The following LONP2 variants were observed in gnomAD, a reference collection of about 807,000 sequenced individuals.
The protein encoded by LONP2 is lon peptidase 2, peroxisomal.
A neutral mutation model predicts 85.6 loss-of-function variants in LONP2; 60 were observed. The observed-to-expected ratio is 0.70, with a 90% CI of 0.57 to 0.87. The LOEUF (loss-of-function observed/expected upper bound fraction) is 0.87. Ranked by LOEUF, LONP2 falls within the 40% of genes least tolerant of loss-of-function variation. The probability of loss-of-function intolerance (pLI) is 0.00; values close to 1 mark genes in which losing one functional copy is unlikely to be tolerated. For missense variants in LONP2, 860 were observed against 1,063.5 expected (o/e 0.81, Z 2.66); for synonymous variants, 395 against 389.7 (o/e 1.01, Z -0.16).
downstream of LONP2, chr16:48,357,355 C>T (rs1960414077): frequency 6.6e-6 from 1 of 152,126 alleles, no homozygotes. Flanking sequence ...TTGGTAAATT[C>T]AGGTTAGGAT....
In LONP2 at chr16:48,347,681, C is replaced by T; in HGVS notation, c.2113C>T (p.Arg705Cys). 4 of 1,613,964 alleles carry T rather than the reference C, an allele frequency of 2.5e-6. No homozygotes were observed. The highest frequency in any genetic ancestry group is 3.4e-6 in the Non-Finnish European group (4 of 1,179,996). ...ESAHLAISWLRSNAKKYQLTN... is the reference protein window; with the variant it reads ...ESAHLAISWLCSNAKKYQLTN... Reference sequence around the variant, plus strand: ...CGCCCACCTCGCTATCAGCTGGCTCCGCAGCAACGCAAAGAAGTACCAGCT... The same window carrying T: ...CGCCCACCTCGCTATCAGCTGGCTCTGCAGCAACGCAAAGAAGTACCAGCT... Residue 705 changes from arginine (R) to cysteine (C), a missense_variant, in exon 13 of 15, where the codon CGC becomes TGC. Transcript: ENST00000285737.
Position 48,303,236 on chromosome 16 carries a change from G to C in LONP2, c.1726G>C (p.Ala576Pro). The C allele has an allele frequency of 6.2e-7, 1 of 1,614,176 alleles. No homozygotes were observed. The highest frequency in any genetic ancestry group is 8.5e-7 in the Non-Finnish European group (1 of 1,180,034). ...RKLGAICRAV[A>P]VKVAEGQHKE... ...ACTTGGGGCCATTTGCCGAGCTGTG[G>C]CCGTGAAGGTGGCAGAAGGACAGCA... The change falls in exon 11 of 15, where the codon GCC (alanine) becomes CCC (proline). Residue 576 changes from alanine (A) to proline (P), a missense_variant. Ala to Pro is a conservative substitution (Grantham distance 27). Coordinates refer to ENST00000285737, the MANE Select transcript of LONP2 (RefSeq NM_031490.5).
rs567976506 is a variant in LONP2 at position 48,286,569 on chromosome 16, C to T, written c.1383+9090C>T. Reference sequence around the variant, plus strand: ...CCAGACTGGAGTGCAGTGGCGCACTCATGGCTCATGGCAGCCTTGACCTTA... The same window carrying T: ...CCAGACTGGAGTGCAGTGGCGCACTTATGGCTCATGGCAGCCTTGACCTTA... On this transcript the variant is annotated intron_variant, in intron 8 of 14. Transcript: ENST00000285737. Among the ~76,000 whole-genome samples, 8 of 152,218 alleles carry T rather than the reference C, an allele frequency of 5.3e-5. No individual in the cohort carries two copies. The East Asian group carries it at 1.2e-3, about 22-fold the overall frequency.
rs1282455557 is a variant in LONP2, at chr16:48,357,212, GTAGA to G, written c.*5413_*5416del. ...AGAGAAGGTATTTAAATAAAAACTG[GTAGA>G]TACAGAGTCAGAAGTCAACCCAGGC... On this transcript the variant is annotated 3_prime_UTR_variant, in exon 15 of 15. Transcript: ENST00000285737. 1 of 152,176 alleles carries G rather than the reference GTAGA, an allele frequency of 6.6e-6. No individual in the cohort carries two copies. 9.4% of individuals were successfully genotyped at this position (152,176 alleles called of 1,614,324 possible). A position where few individuals can be genotyped will look rare whatever the true frequency, so the allele number is the denominator to read the frequency against.
At chr16:48,335,761 G>C (rs1959627759) in intron 12 of LONP2, among the ~76,000 whole-genome samples, 1 of 152,094 alleles carries the variant, frequency 6.6e-6, no homozygotes, top group Non-Finnish European at 1.5e-5. Context: ...CTCTAAACTG[G>C]TCATTAAAGC....
chr16:48,270,323 T>A (rs776141230), intron 7 of LONP2, 49 bp downstream of exon 7: 1 of 1,589,914 alleles, frequency 6.3e-7, no homozygotes, highest in South Asian at 1.1e-5. Context: ...TCTTTTTAAT[T>A]GACTAGAGCT....
intron 8 of LONP2, among the ~76,000 whole-genome samples, chr16:48,294,861 T>C (rs1972635057): frequency 6.6e-6 from 1 of 152,206 alleles, no homozygotes; most frequent in Admixed American, 6.5e-5. Flanking sequence ...GTGAGTATAT[T>C]AGTCATTTTA....
chr16:48,251,390 A>G (rs16946022), intron 1 of LONP2, among the ~76,000 whole-genome samples: 1,866 of 152,290 alleles, frequency 0.012, 40 homozygotes, highest in African/African-American at 0.042. Context: ...TGTGAATTAA[A>G]TTTATATGTG....
Position 48,261,644 on chromosome 16 carries a change from A to T in LONP2, c.887+57A>T, listed in dbSNP as rs138116305. The T allele has an allele frequency of 2.7e-4, 342 of 1,287,084 alleles. 1 individual carries two copies. In the African/African-American group the frequency reaches 4.7e-3, roughly 18 times the overall value. The allele number at this position is 1,287,084 out of a possible 1,614,324, so 79.7% of individuals were successfully genotyped here. On this transcript the variant is annotated intron_variant, in intron 5 of 14. Coordinates refer to ENST00000285737, the MANE Select transcript of LONP2 (RefSeq NM_031490.5). ...TTTTCATTCTTGGTACTCCTGATTA[A>T]CACCACTTTCACTACTCTTTTCTCC... is the stretch of plus-strand genomic sequence containing the variant.
chr16:48,248,923 G>T lies in LONP2; in HGVS notation c.234-3208G>T, dbSNP rs1971548117. 2.0e-5 allele frequency among the ~76,000 whole-genome samples: 3 copies of T among 150,230 alleles called. No individual in the cohort carries two copies. The South Asian group carries it at 6.3e-4, about 32-fold the overall frequency. The stretch of plus-strand genomic sequence containing the variant: ...AAAAAAAGCAAGTGCTGGGCATATA[G>T]GCTGGAATTAGATATTTACATAATA... On this transcript the variant is annotated intron_variant, in intron 1 of 14. Coordinates refer to ENST00000285737, the MANE Select transcript of LONP2 (RefSeq NM_031490.5).
chr16:48,260,897 T>G (rs1425403586), intron 4 of LONP2, among the ~76,000 whole-genome samples: 1 of 152,202 alleles, frequency 6.6e-6, no homozygotes, highest in East Asian at 1.9e-4. Context: ...AGAAAGGAAG[T>G]AAATAGTGCG....
intron 8 of LONP2, among the ~76,000 whole-genome samples, chr16:48,289,091 CT>C (rs1972507482): frequency 6.6e-6 from 1 of 152,066 alleles, no homozygotes; most frequent in Admixed American, 6.6e-5. Context: ...TGCCTATACC[CT>C]TTTTAATGAT....
chr16:48,261,442 A>T lies in LONP2; in HGVS notation c.742A>T (p.Ile248Phe). 6.2e-7 allele frequency: 1 copy of T among 1,605,292 alleles called. No homozygotes were observed. Among genetic ancestry groups the T allele is most frequent in the Non-Finnish European group, 8.5e-7 (1 of 1,175,510 alleles). ...ATGTTAGGTTATAGCAATACGCCCT[A>T]TTAGGAGAATTACACATATCTCAGG... The part of the protein sequence containing the change: ...DDKRVIAIRP[I>F]RRITHISGTL... Residue 248 changes from isoleucine (I) to phenylalanine (F), a missense_variant, in exon 5 of 15, where the codon ATT becomes TTT. Coordinates refer to ENST00000285737, the MANE Select transcript of LONP2 (RefSeq NM_031490.5).
At chr16:48,263,173 A>T (rs1447091537) in intron 6 of LONP2, among the ~76,000 whole-genome samples, 1 of 152,174 alleles carries the variant, frequency 6.6e-6, no homozygotes, top group Admixed American at 6.5e-5. Flanking sequence ...TATTATTATC[A>T]TCATTATTAT....
At chr16:48,259,173 C>CT (rs973773206) in intron 4 of LONP2, among the ~76,000 whole-genome samples, 3 of 152,126 alleles carry the variant, frequency 2.0e-5, no homozygotes, top group Admixed American at 6.6e-5. Context: ...AACTCTTGAT[C>CT]TTTTTTTGTT....
At chr16:48,309,918 C>G (rs1972993888) in intron 11 of LONP2, among the ~76,000 whole-genome samples, 1 of 152,054 alleles carries the variant, frequency 6.6e-6, no homozygotes, top group Admixed American at 6.6e-5. Flanking sequence ...TGAAGTCCCA[C>G]ATTTTGTATT....
downstream of LONP2, among the ~76,000 whole-genome samples, chr16:48,359,732 C>T (rs1353681705): frequency 1.3e-5 from 2 of 151,992 alleles, no homozygotes; most frequent in Non-Finnish European, 2.9e-5. Flanking sequence ...AAAAAAGCTC[C>T]ACAAGCACAT....
At position 48,331,140 on chromosome 16, in the gene LONP2, C is replaced by T. The variant is rs75310608; in HGVS notation, c.1796-3076C>T. On this transcript the variant is annotated intron_variant, in intron 11 of 14. Coordinates refer to ENST00000285737, the MANE Select transcript of LONP2 (RefSeq NM_031490.5). ...TGGCTGAAGTTTTTGAGTACCACTA[C>T]CTTCCATCTATAGTGTAGTAACCTT... Among the ~76,000 whole-genome samples the T allele has an allele frequency of 1.5e-3, 228 of 152,218 alleles. 4 individuals are homozygous for T. In the East Asian group the frequency reaches 0.035, roughly 23 times the overall value.
At chr16:48,252,030 T>C in intron 1 of LONP2, 101 bp from the exon 2 acceptor site, 1 of 872,742 alleles carries the variant, frequency 1.1e-6, no homozygotes, top group Non-Finnish European at 1.6e-6. Flanking sequence ...TCAGATGTCT[T>C]TTGCTTAATG....
Sources: allele counts gnomAD v4.1 joint callset (sites outside exome capture counted in the v4.1 genomes callset), GRCh38; gene constraint gnomAD v4.1.1; transcripts MANE v1.5; gene names NCBI Gene and HGNC (gene_info 2026-07-23, HGNC 2026-07-21).